Variants in RHCE observed in about 807,000 individuals in gnomAD.
RHCE encodes Rh blood group CcEe antigens.
In RHCE, 22 loss-of-function variants were observed where a neutral mutation model predicts 43.8. That is an observed-to-expected ratio of 0.50 (90% confidence interval 0.36 to 0.72). RHCE has a LOEUF of 0.72. RHCE is among the 30% of genes least tolerant of loss of function. The pLI is 0.00. For missense variants in RHCE, 385 were observed against 525.4 expected (o/e 0.73, Z 2.61); for synonymous variants, 156 against 210.7 (o/e 0.74, Z 2.25).
Position 25,408,718 on chromosome 1 carries a change from C to T in RHCE, c.300G>A (p.Gln100=). Residue 100 remains glutamine (Q), a synonymous_variant, in exon 2 of 10, where the codon CAG becomes CAA. Coordinates refer to ENST00000294413, the MANE Select transcript of RHCE (RefSeq NM_020485.8). ...TGATGACCACCTTCCCAGGAGGGAACTGGCTCAGGAAGCCGTCCAGCAGGA... is the reference window on the plus strand; with the variant it reads ...TGATGACCACCTTCCCAGGAGGGAATTGGCTCAGGAAGCCGTCCAGCAGGA... ...WAILLDGFLS[Q]FPPGKVVITL... The T allele has an allele frequency of 6.2e-6, 8 of 1,282,714 alleles. 3 individuals are homozygous for T. The highest frequency in any genetic ancestry group is 8.3e-6 in the Non-Finnish European group (8 of 962,746). 79.5% of individuals were successfully genotyped at this position (1,282,714 alleles called of 1,614,324 possible).
chr1:25,393,334 A>C (rs1646438263), intron 3 of RHCE, among the ~76,000 whole-genome samples: 1 of 152,156 alleles, frequency 6.6e-6, no homozygotes, highest in South Asian at 2.1e-4. Context: ...TTAAAATGCA[A>C]GTCAGGCCGG....
At chr1:25,374,213 C>G (rs1645714427) in intron 8 of RHCE, among the ~76,000 whole-genome samples, 2 of 151,520 alleles carry the variant, frequency 1.3e-5, no homozygotes, top group South Asian at 2.1e-4. Flanking sequence ...CTCAGCCTCC[C>G]AAGTAGCTGG....
At chr1:25,422,128 A>G (rs138265268), upstream of RHCE, among the ~76,000 whole-genome samples, 1 of 152,224 alleles carries the variant, frequency 6.6e-6, no homozygotes, top group African/African-American at 2.4e-5. Flanking sequence ...ACCTAAGGTC[A>G]TCTAGTCACT....
At chr1:25,393,603 A>C (rs1646447669) in intron 3 of RHCE, among the ~76,000 whole-genome samples, 1 of 151,000 alleles carries the variant, frequency 6.6e-6, no homozygotes, top group African/African-American at 2.5e-5. Context: ...CTTCGGCGAC[A>C]GAGTGAGACT....
rs1340659247 is a variant in RHCE at position 25,370,687 on chromosome 1, C to T, written c.1154-147G>A. 4 of 667,142 alleles carry T rather than the reference C, an allele frequency of 6.0e-6. No individual in the cohort carries two copies. The African/African-American group carries it at 7.4e-5, about 12-fold the overall frequency. 41.3% of individuals were successfully genotyped at this position (667,142 alleles called of 1,614,324 possible). On this transcript the variant is annotated intron_variant, in intron 8 of 9. Transcript: ENST00000294413. ...CAATTGAAAGACAAATAAATGGACG[C>T]CCTGTCATTCCTGGACCAGCTTAAT...
chr1:25,406,935 T>C (rs1646941461), intron 2 of RHCE, among the ~76,000 whole-genome samples: 2 of 119,976 alleles, frequency 1.7e-5, no homozygotes, highest in African/African-American at 5.1e-5. Flanking sequence ...CCTAAAACTG[T>C]TTTTTGAGAC....
chr1:25,409,884 G>T (rs1647020432), intron 1 of RHCE, among the ~76,000 whole-genome samples: 1 of 151,530 alleles, frequency 6.6e-6, no homozygotes, highest in African/African-American at 2.4e-5. Flanking sequence ...GCCCCGGTGG[G>T]TAGAGCTAAG....
chr1:25,426,626 C>T (rs1339658110), intron 2 of RHCE, among the ~76,000 whole-genome samples: 4 of 152,176 alleles, frequency 2.6e-5, no homozygotes, highest in African/African-American at 4.8e-5. Flanking sequence ...CTTGGAGTGG[C>T]GGCTGCCATA....
chr1:25,392,047 C>G lies in RHCE; in HGVS notation c.581G>C (p.Gly194Ala). 1 of 1,614,184 alleles carries G rather than the reference C, an allele frequency of 6.2e-7. No homozygotes were observed. Among genetic ancestry groups the G allele is most frequent in the Non-Finnish European group, 8.5e-7 (1 of 1,180,042 alleles). Residue 194 changes from glycine (G) to alanine (A), a missense_variant, in exon 4 of 10, where the codon GGA becomes GCA. Gly to Ala is a moderately conservative substitution (Grantham distance 60). Coordinates refer to ENST00000294413, the MANE Select transcript of RHCE (RefSeq NM_020485.8). Reference protein sequence around the residue: ...AWCLPKPLPKGTEDNDQRATI... With the variant: ...AWCLPKPLPKATEDNDQRATI... ...TGCTCTCTGATCATTATCCTCCGTT[C>G]CCTTGGGTAGAGGCTTTGGCAGGCA...
At chr1:25,416,099 C>A (rs993365625) in intron 1 of RHCE, among the ~76,000 whole-genome samples, 1 of 151,618 alleles carries the variant, frequency 6.6e-6, no homozygotes, top group African/African-American at 2.4e-5. Context: ...TTCAGATTCA[C>A]CCAGAAGCCA....
chr1:25,389,818 T>G (rs1646300040), intron 5 of RHCE, among the ~76,000 whole-genome samples: 1 of 152,150 alleles, frequency 6.6e-6, no homozygotes, highest in Non-Finnish European at 1.5e-5. Flanking sequence ...TGCTATGTCC[T>G]TCACTACTCC....
chr1:25,424,396 T>C (rs1294851640), upstream of RHCE, among the ~76,000 whole-genome samples: 2 of 148,150 alleles, frequency 1.3e-5, no homozygotes, highest in African/African-American at 2.5e-5. Flanking sequence ...TTTTGCTGTG[T>C]TTTTTTTTTA....
At chr1:25,395,760 A>C (rs541589340) in intron 3 of RHCE, among the ~76,000 whole-genome samples, 1 of 152,340 alleles carries the variant, frequency 6.6e-6, no homozygotes, top group South Asian at 2.1e-4. Flanking sequence ...ATGAACAGAG[A>C]AGCGAAAGCT....
chr1:25,392,376 CT>C (rs1312293472), intron 3 of RHCE, among the ~76,000 whole-genome samples: 1 of 152,156 alleles, frequency 6.6e-6, no homozygotes, highest in African/African-American at 2.4e-5. Flanking sequence ...ATTCTCCTGC[CT>C]CAGCTTCCCT....
chr1:25,384,564 A>G (rs1302432696), intron 7 of RHCE, among the ~76,000 whole-genome samples: 1 of 152,190 alleles, frequency 6.6e-6, no homozygotes, highest in African/African-American at 2.4e-5. Context: ...GGAACCCATT[A>G]CAGAGGCACC....
At chr1:25,395,941 T>C (rs1185227957) in intron 3 of RHCE, among the ~76,000 whole-genome samples, 5 of 151,322 alleles carry the variant, frequency 3.3e-5, no homozygotes, top group Non-Finnish European at 7.4e-5. Context: ...CCTCACAAGA[T>C]GTTTATTAAT....
At chr1:25,394,436 A>T (rs1208040506) in intron 3 of RHCE, among the ~76,000 whole-genome samples, 3 of 152,052 alleles carry the variant, frequency 2.0e-5, no homozygotes. Context: ...ACTCAAAAAA[A>T]ATCACCCCCT....
chr1:25,425,091 A>G (rs2042795315), upstream of RHCE, among the ~76,000 whole-genome samples: 1 of 152,156 alleles, frequency 6.6e-6, no homozygotes, highest in Admixed American at 6.5e-5. Context: ...TACTGGGATT[A>G]CAGGCGTGAG....
rs1457786300 is a variant in RHCE, at chr1:25,411,263, C to T, written c.149-2394G>A. 7.8e-6 allele frequency: 12 copies of T among 1,533,114 alleles called. No individual in the cohort carries two copies. The East Asian group carries it at 2.7e-4, about 34-fold the overall frequency. 95.0% of individuals were successfully genotyped at this position (1,533,114 alleles called of 1,614,324 possible). A position where few individuals can be genotyped will look rare whatever the true frequency, so the allele number is the denominator to read the frequency against. ...AAGGAAATAATGTTTAGTACAGTGC[C>T]TAGCACATGGAGAACACTCAATAAA... is the stretch of plus-strand genomic sequence containing the variant. On this transcript the variant is annotated intron_variant, in intron 1 of 9. Transcript: ENST00000294413.
Sources: allele counts gnomAD v4.1 joint callset (sites outside exome capture counted in the v4.1 genomes callset), GRCh38; gene constraint gnomAD v4.1.1; transcripts MANE v1.5; gene names NCBI Gene and HGNC (gene_info 2026-07-23, HGNC 2026-07-21).